Variants in MTOR observed in about 807,000 individuals in gnomAD.
The protein encoded by MTOR is mechanistic target of rapamycin kinase.
In MTOR, 70 loss-of-function variants were observed where a neutral mutation model predicts 319.8. The observed-to-expected ratio is 0.22, with a 90% CI of 0.18 to 0.27. The LOEUF is 0.27. Among genes scored for constraint, MTOR ranks in the 10% least tolerant of loss-of-function variants. The pLI is 1.00. For missense variants in MTOR, 1,890 were observed against 3,274.4 expected (o/e 0.58, Z 10.32); for synonymous variants, 1,183 against 1,211.4 (o/e 0.98, Z 0.49).
chr1:11,145,534 G>C (rs55977460), intron 32 of MTOR, among the ~76,000 whole-genome samples: 1 of 151,592 alleles, frequency 6.6e-6, no homozygotes, highest in African/African-American at 2.4e-5. Context: ...ACAGGCGCCC[G>C]CCACCACGCC....
Position 11,258,612 on chromosome 1 carries a change from T to C in MTOR, c.163-19A>G. On this transcript the variant is annotated intron_variant, in intron 2 of 57. Transcript: ENST00000361445. ...GACTCATCTGCAAAAGAAGATATAA[T>C]CAGAACAATTTCTAATAATTCTCTA... is the stretch of plus-strand genomic sequence containing the variant. 1.3e-6 allele frequency: 2 copies of C among 1,570,288 alleles called. No individual in the cohort carries two copies. The highest frequency in any genetic ancestry group is 1.8e-6 in the Non-Finnish European group (2 of 1,142,524).
intron 50 of MTOR, 92 bp downstream of exon 50, chr1:11,116,912 A>G (rs1339893387): frequency 2.1e-6 from 2 of 937,574 alleles, no homozygotes; most frequent in East Asian, 4.8e-5. Context: ...ATTTACCAAA[A>G]AGCCATATAT....
intron 19 of MTOR, among the ~76,000 whole-genome samples, chr1:11,222,879 A>AT (rs1306891402): frequency 6.6e-6 from 1 of 152,212 alleles, no homozygotes; most frequent in Non-Finnish European, 1.5e-5. Flanking sequence ...AAAGGCTGAT[A>AT]GGGAACTTTA....
At chr1:11,144,918 TA>T in intron 33 of MTOR, 49 bp downstream of exon 33, 2 of 1,595,728 alleles carry the variant, frequency 1.3e-6, no homozygotes, top group African/African-American at 1.3e-5. Flanking sequence ...CTGAAAAAAG[TA>T]TGGAAATAAG....
chr1:11,251,674 T>A (rs1569820803), intron 6 of MTOR, among the ~76,000 whole-genome samples: 3 of 150,592 alleles, frequency 2.0e-5, no homozygotes, highest in South Asian at 4.2e-4. Flanking sequence ...TTTTTTTTTT[T>A]AGTGACAAGG....
intron 30 of MTOR, among the ~76,000 whole-genome samples, chr1:11,153,639 A>G (rs1209654214): frequency 1.3e-5 from 2 of 152,222 alleles, no homozygotes; most frequent in Non-Finnish European, 2.9e-5. Flanking sequence ...AGTGTTGTCC[A>G]ATAGAGCTTT....
At chr1:11,189,378 C>T (rs1645431329) in intron 28 of MTOR, 2 of 637,020 alleles carry the variant, frequency 3.1e-6, no homozygotes, top group Admixed American at 3.0e-5. Flanking sequence ...AAGCTATAGG[C>T]TACCCATTCA....
At chr1:11,166,338 A>G (rs1644642612) in intron 29 of MTOR, among the ~76,000 whole-genome samples, 1 of 152,244 alleles carries the variant, frequency 6.6e-6, no homozygotes, top group Non-Finnish European at 1.5e-5. Context: ...AATTTTTGCA[A>G]TCTACCCATC....
At position 11,127,657 on chromosome 1, in the gene MTOR, G is replaced by A. The variant is rs762151622; in HGVS notation, c.6183C>T (p.Gly2061=). ...LEPLHAMMER[G]PQTLKETSFN... is the part of the protein sequence containing the mutation. The stretch of plus-strand genomic sequence containing the variant: ...AGGATGTTTCCTTCAGAGTCTGGGG[G>A]CCCCGTTCCATCATAGCATGCAAGG... The change falls in exon 44 of 58, where the codon GGC becomes GGT. Residue 2061 remains glycine, a synonymous_variant. Coordinates refer to ENST00000361445, the MANE Select transcript of MTOR (RefSeq NM_004958.4). The surrounding 1 kb of genome is among the most constrained non-coding windows in gnomAD (Gnocchi z 5.5). 6.2e-6 allele frequency: 10 copies of A among 1,613,734 alleles called. No individual in the cohort carries two copies. The highest frequency in any genetic ancestry group is 8.5e-6 in the Non-Finnish European group (10 of 1,179,982).
rs764583331 is a variant in MTOR at position 11,129,809 on chromosome 1, C to A, written c.5643G>T (p.Thr1881=). Residue 1881 remains threonine (T), a synonymous_variant, in exon 40 of 58, where the codon ACG becomes ACT. Transcript: ENST00000361445. The surrounding 1 kb of genome is among the most constrained non-coding windows in gnomAD (Gnocchi z 4.7). ...GGAAGAAGCCCTGGACGGCAGGCAC[C>A]GTGTACATCAGGAGGGTTTTGGACA... ...EDLSKTLLMY[T]VPAVQGFFRS... The A allele has an allele frequency of 6.2e-7, 1 of 1,614,194 alleles. No individual in the cohort carries two copies. Among genetic ancestry groups the A allele is most frequent in the Non-Finnish European group, 8.5e-7 (1 of 1,180,008 alleles).
intron 49 of MTOR, 54 bp from the exon 50 acceptor site, chr1:11,117,140 T>C: frequency 7.4e-7 from 1 of 1,359,116 alleles, no homozygotes; most frequent in Non-Finnish European, 1.0e-6. Context: ...AATTTCAACA[T>C]AATTATACTC....
intron 47 of MTOR, among the ~76,000 whole-genome samples, chr1:11,123,985 A>C (rs1477753727): frequency 6.6e-6 from 1 of 152,142 alleles, no homozygotes; most frequent in African/African-American, 2.4e-5. Flanking sequence ...ACAGGGTTTC[A>C]CCATGTTGGC....
chr1:11,167,742 C>T (rs1644691040), intron 28 of MTOR, among the ~76,000 whole-genome samples: 1 of 152,206 alleles, frequency 6.6e-6, no homozygotes, highest in Non-Finnish European at 1.5e-5. Context: ...GTAATGGGAA[C>T]ACTCATCTTG....
At chr1:11,224,038 CAAAATAAAAT>C (rs370686856) in intron 19 of MTOR, among the ~76,000 whole-genome samples, 3,613 of 143,288 alleles carry the variant, frequency 0.025, 112 homozygotes, top group African/African-American at 0.084. Flanking sequence ...TACTCCGTCT[CAAAATAAAAT>C]AAAATAAAAT....
chr1:11,175,092 C>T (rs1252430822), intron 28 of MTOR, among the ~76,000 whole-genome samples: 1 of 152,146 alleles, frequency 6.6e-6, no homozygotes, highest in Non-Finnish European at 1.5e-5. Flanking sequence ...CTAGTGATTC[C>T]CACTGCCTCC....
chr1:11,193,759 G>C, intron 28 of MTOR: 1 of 1,614,166 alleles, frequency 6.2e-7, no homozygotes, highest in Non-Finnish European at 8.5e-7. Flanking sequence ...CAACCCGGCT[G>C]CGTGTAGAGA....
intron 32 of MTOR, among the ~76,000 whole-genome samples, chr1:11,146,043 C>T (rs140589298): frequency 9.9e-5 from 15 of 152,236 alleles, no homozygotes; most frequent in Admixed American, 2.6e-4. Flanking sequence ...GCCTGGGGGA[C>T]GCCACAGCAC....
chr1:11,109,586 A>G lies in MTOR; in HGVS notation c.7447+63T>C. On this transcript the variant is annotated intron_variant, in intron 55 of 57. Transcript: ENST00000361445. This position sits in a 1 kb window ranked among gnomAD's most constrained non-coding sequence, Gnocchi z 4.0. ...ATCTTGTTGACCCCTCTCAGGGTAT[A>G]ACACAGCTGCTATTTTCTTAATGAG... is the stretch of plus-strand genomic sequence containing the variant. The G allele has an allele frequency of 6.6e-7, 1 of 1,519,602 alleles. No homozygotes were observed. Among genetic ancestry groups the G allele is most frequent in the Non-Finnish European group, 9.1e-7 (1 of 1,094,174 alleles). 94.1% of individuals were successfully genotyped at this position (1,519,602 alleles called of 1,614,324 possible).
intron 8 of MTOR, among the ~76,000 whole-genome samples, chr1:11,245,052 G>A (rs901933095): frequency 9.9e-5 from 15 of 152,146 alleles, no homozygotes; most frequent in Admixed American, 3.3e-4. Flanking sequence ...ATTCAGCATA[G>A]GCCTGGAAAT....
Sources: allele counts gnomAD v4.1 joint callset (sites outside exome capture counted in the v4.1 genomes callset), GRCh38; gene constraint gnomAD v4.1.1; non-coding constraint Gnocchi (gnomAD v3.1); transcripts MANE v1.5; gene names NCBI Gene and HGNC (gene_info 2026-07-23, HGNC 2026-07-21).